AIDA: variants seen among roughly 807,000 people sequenced by gnomAD.
AIDA encodes the protein axin interactor, dorsalization associated.
In AIDA, 18 loss-of-function variants were observed where a neutral mutation model predicts 42.7. That is an observed-to-expected ratio of 0.42 (90% CI 0.29 to 0.63). The LOEUF (loss-of-function observed/expected upper bound fraction) is 0.63, where lower values mean the gene tolerates loss of function less well. Ranked by LOEUF, AIDA falls within the 20% of genes least tolerant of loss-of-function variation. The pLI is 0.19. For synonymous variants in AIDA, 104 were observed against 122.9 expected (o/e 0.85, Z 1.02); for missense variants, 250 against 354.1 (o/e 0.71, Z 2.36).
chr1:222,691,429 T>C (rs1176992086), intron 4 of AIDA, among the ~76,000 whole-genome samples: 1 of 152,156 alleles, frequency 6.6e-6, no homozygotes, highest in Non-Finnish European at 1.5e-5. Flanking sequence ...AATGAGAACA[T>C]TTCCTTCAGA....
chr1:222,676,077 AGT>A lies in AIDA; in HGVS notation c.583+17_583+18del. The A allele has an allele frequency of 6.5e-7, 1 of 1,531,286 alleles. No homozygotes were observed. The highest frequency in any genetic ancestry group is 8.7e-7 in the Non-Finnish European group (1 of 1,144,212). 94.9% of individuals were successfully genotyped at this position (1,531,286 alleles called of 1,614,324 possible). ...TATAAAATTCACCTGAGAAAAAAAA[AGT>A]AAACAGAGTCACTTACCCTTTACAC... On this transcript the variant is annotated intron_variant, in intron 7 of 9. Coordinates refer to ENST00000340020, the MANE Select transcript of AIDA (RefSeq NM_022831.4).
At chr1:222,707,891 T>C (rs926269800) in intron 1 of AIDA, among the ~76,000 whole-genome samples, 5 of 152,374 alleles carry the variant, frequency 3.3e-5, no homozygotes, top group Middle Eastern at 6.8e-3. Context: ...GATGTCAAAT[T>C]GCTATAAAGT....
chr1:222,695,835 T>C (rs531678510), intron 2 of AIDA, among the ~76,000 whole-genome samples: 1 of 152,310 alleles, frequency 6.6e-6, no homozygotes, highest in African/African-American at 2.4e-5. Flanking sequence ...TTTTTCTAAA[T>C]GTATTGATAA....
intron 6 of AIDA, 102 bp from the exon 7 acceptor site, chr1:222,676,320 C>A (rs1008897325): frequency 2.7e-5 from 36 of 1,330,678 alleles, no homozygotes; most frequent in Non-Finnish European, 3.5e-5. Flanking sequence ...GACTTAGTAA[C>A]TAGCCAGGCA....
At chr1:222,708,898 ACTCCTTAATG>A (rs1472564941) in intron 1 of AIDA, among the ~76,000 whole-genome samples, 2 of 152,096 alleles carry the variant, frequency 1.3e-5, no homozygotes, top group Non-Finnish European at 2.9e-5. Flanking sequence ...TTTGGCATCA[ACTCCTTAATG>A]CTCCCATAGC....
chr1:222,673,221 A>G, intron 8 of AIDA, 92 bp downstream of exon 8: 2 of 1,179,100 alleles, frequency 1.7e-6, no homozygotes, highest in Admixed American at 2.6e-5. Flanking sequence ...CTTCTGCCAG[A>G]TACTAACTAT....
At chr1:222,699,628 C>T (rs185828152) in intron 2 of AIDA, among the ~76,000 whole-genome samples, 113 of 152,252 alleles carry the variant, frequency 7.4e-4, no homozygotes, top group African/African-American at 2.6e-3. Context: ...CCAGAATACA[C>T]CTGGAAGATC....
intron 1 of AIDA, among the ~76,000 whole-genome samples, chr1:222,707,099 A>C (rs1655858531): frequency 6.6e-6 from 1 of 152,116 alleles, no homozygotes; most frequent in South Asian, 2.1e-4. Context: ...TAAATTGTAC[A>C]TGTAAAATAG....
chr1:222,688,194 ACT>A (rs1047194326), intron 4 of AIDA, among the ~76,000 whole-genome samples: 26 of 152,036 alleles, frequency 1.7e-4, no homozygotes, highest in Non-Finnish European at 2.9e-4. Flanking sequence ...CAAGAATGAT[ACT>A]CTGTTTCAAA....
At position 222,669,799 on chromosome 1, in the gene AIDA, C is replaced by G. The variant is rs1571920429; in HGVS notation, c.*94G>C. 29 of 1,168,830 alleles carry G rather than the reference C, an allele frequency of 2.5e-5. No homozygotes were observed. The highest frequency in any genetic ancestry group is 1.7e-4 in the Admixed American group (7 of 41,740). 72.4% of individuals were successfully genotyped at this position (1,168,830 alleles called of 1,614,324 possible). A position where few individuals can be genotyped will look rare whatever the true frequency, so the allele number is the denominator to read the frequency against. On this transcript the variant is annotated 3_prime_UTR_variant, in exon 10 of 10. Coordinates refer to ENST00000340020, the MANE Select transcript of AIDA (RefSeq NM_022831.4). ...CTACTGGTCTGGGTACGGCTTGCTT[C>G]CTGCCTGTTGAAGGGTGAATATGCT...
intron 4 of AIDA, among the ~76,000 whole-genome samples, chr1:222,690,264 G>A (rs968400220): frequency 7.2e-5 from 11 of 152,214 alleles, no homozygotes; most frequent in African/African-American, 1.9e-4. Flanking sequence ...GATTTATCCT[G>A]AAGAGAAGAC....
At chr1:222,671,071 T>G (rs925463350) in intron 8 of AIDA, among the ~76,000 whole-genome samples, 5 of 151,338 alleles carry the variant, frequency 3.3e-5, no homozygotes, top group Admixed American at 2.6e-4. Context: ...CAAAAAAAAT[T>G]TTAAAAATAG....
chr1:222,700,871 C>T (rs1012268984), intron 2 of AIDA, among the ~76,000 whole-genome samples: 4 of 151,096 alleles, frequency 2.6e-5, no homozygotes, highest in South Asian at 2.1e-4. Flanking sequence ...CTTTATCAAA[C>T]ACCAGCTTCA....
chr1:222,690,991 A>G (rs1268836567), intron 4 of AIDA, among the ~76,000 whole-genome samples: 2 of 152,212 alleles, frequency 1.3e-5, no homozygotes, highest in Non-Finnish European at 2.9e-5. Context: ...AAAAGCAATA[A>G]GCCAACAAGT....
intron 2 of AIDA, among the ~76,000 whole-genome samples, chr1:222,697,125 T>C (rs1226542457): frequency 6.6e-6 from 1 of 151,892 alleles, no homozygotes; most frequent in African/African-American, 2.4e-5. Flanking sequence ...GTATTTTTAT[T>C]AGAGACAGGG....
At chr1:222,710,262 T>A (rs538512254) in intron 1 of AIDA, among the ~76,000 whole-genome samples, 1 of 152,330 alleles carries the variant, frequency 6.6e-6, no homozygotes, top group South Asian at 2.1e-4. Context: ...TCATTACATG[T>A]TTTCACTGAA....
At chr1:222,684,069 G>A (rs1428080163) in intron 6 of AIDA, among the ~76,000 whole-genome samples, 2 of 151,950 alleles carry the variant, frequency 1.3e-5, no homozygotes, top group Admixed American at 1.3e-4. Flanking sequence ...GTTAGTATAT[G>A]AGTTGGTCAA....
At chr1:222,682,162 T>G (rs899215185) in intron 6 of AIDA, among the ~76,000 whole-genome samples, 2 of 152,198 alleles carry the variant, frequency 1.3e-5, no homozygotes, top group African/African-American at 2.4e-5. Flanking sequence ...TGTCTTATTA[T>G]TTCTGCTTTT....
In AIDA at chr1:222,673,423, A is replaced by T. The variant is rs762033680; in HGVS notation, c.596T>A (p.Ile199Lys). The T allele has an allele frequency of 6.3e-7, 1 of 1,591,486 alleles. No individual in the cohort carries two copies. The highest frequency in any genetic ancestry group is 2.2e-5 in the East Asian group (1 of 44,460). ...AGTATCTTGCACAGGAGTTAAGTCT[A>T]TGCCATTCAGATCTAAAGAGAAAAG... is the stretch of plus-strand genomic sequence containing the variant. ...ITVSVKDLNGIDLTPVQDTPV... is the reference protein window; with the variant it reads ...ITVSVKDLNGKDLTPVQDTPV... Residue 199 changes from isoleucine (I) to lysine (K), a missense_variant, in exon 8 of 10, where the codon ATA (isoleucine) becomes AAA (lysine). Ile to Lys is a moderately radical substitution (Grantham distance 102, BLOSUM62 -3). Around this residue, in one of 4 missense-constraint regions of AIDA, gnomAD observed 199 missense variants for 232.6 expected, o/e 0.86. Coordinates refer to ENST00000340020, the MANE Select transcript of AIDA (RefSeq NM_022831.4).
Sources: gnomAD v4.1 joint callset for allele counts (sites outside exome capture counted in the v4.1 genomes callset) on GRCh38, gnomAD v4.1.1 for gene constraint, gnomAD v4.1.1 regional missense constraint, MANE v1.5 for transcripts, NCBI Gene and HGNC (gene_info 2026-07-23, HGNC 2026-07-21) for gene names.